KCNIP4: variants seen among roughly 807,000 people sequenced by gnomAD.
KCNIP4 encodes the protein potassium voltage-gated channel interacting protein 4.
KCNIP4 carries 12 observed loss-of-function variants against 34.0 expected under a neutral mutation model. That is an observed-to-expected ratio of 0.35 (90% confidence interval 0.23 to 0.57). KCNIP4 has a LOEUF of 0.57. KCNIP4 is among the 20% of genes least tolerant of loss of function. The pLI is 0.83. For synonymous variants in KCNIP4, 124 were observed against 102.2 expected (o/e 1.21, Z -1.29); for missense variants, 238 against 311.7 (o/e 0.76, Z 1.78).
chr4:20,886,320 T>C (rs1185022967), intron 1 of KCNIP4, among the ~76,000 whole-genome samples: 1 of 152,076 alleles, frequency 6.6e-6, no homozygotes. Flanking sequence ...TTCAGGGAGG[T>C]AGAGCTCATA....
chr4:20,847,436 A>T (rs1174481471), intron 3 of KCNIP4, among the ~76,000 whole-genome samples: 1 of 152,206 alleles, frequency 6.6e-6, no homozygotes, highest in Non-Finnish European at 1.5e-5. Context: ...ACTAAGTCAT[A>T]ATCTTTCAAG....
At chr4:20,739,836 A>C (rs1395276212) in intron 5 of KCNIP4, among the ~76,000 whole-genome samples, 1 of 152,184 alleles carries the variant, frequency 6.6e-6, no homozygotes, top group African/African-American at 2.4e-5. Flanking sequence ...AAAGAAGCTA[A>C]AAACCTTGAG....
At chr4:20,914,444 G>T (rs180956729) in intron 1 of KCNIP4, among the ~76,000 whole-genome samples, 2 of 152,226 alleles carry the variant, frequency 1.3e-5, no homozygotes, top group African/African-American at 4.8e-5. Flanking sequence ...AATGCATCAA[G>T]AAAATGGCCC....
chr4:21,836,987 G>A (rs112155347), intron 1 of KCNIP4, among the ~76,000 whole-genome samples: 56,051 of 145,360 alleles, frequency 0.39, 12,161 homozygotes, highest in Non-Finnish European at 0.51. Context: ...GCACGATCTC[G>A]GCTCACTGCA....
At chr4:21,822,308 G>A (rs1174292375) in intron 1 of KCNIP4, among the ~76,000 whole-genome samples, 9 of 152,200 alleles carry the variant, frequency 5.9e-5, no homozygotes, top group African/African-American at 1.9e-4. Flanking sequence ...CAGAGGCAGA[G>A]CTGTTCTCCA....
intron 1 of KCNIP4, among the ~76,000 whole-genome samples, chr4:21,251,560 G>A (rs1454067997): frequency 1.3e-5 from 2 of 152,102 alleles, no homozygotes; most frequent in Admixed American, 6.5e-5. Flanking sequence ...TATTAAGAAT[G>A]TTTCAAAATA....
intron 1 of KCNIP4, among the ~76,000 whole-genome samples, chr4:21,092,886 A>G (rs4615170): frequency 0.17 from 25,613 of 152,262 alleles, 2,238 homozygotes; most frequent in East Asian, 0.24. Flanking sequence ...AGACAGGTGG[A>G]CCAACATGAT....
At chr4:21,909,299 G>A (rs542758968) in intron 1 of KCNIP4, among the ~76,000 whole-genome samples, 1 of 152,138 alleles carries the variant, frequency 6.6e-6, no homozygotes, top group South Asian at 2.1e-4. Context: ...CTCCAGCCAA[G>A]TAAATGTCTC....
chr4:21,348,298 T>G (rs1026704737), intron 1 of KCNIP4, among the ~76,000 whole-genome samples: 2 of 152,200 alleles, frequency 1.3e-5, no homozygotes, highest in African/African-American at 4.8e-5. Context: ...CTCAGTAGAC[T>G]TGTTTTCCAA....
chr4:21,840,402 T>C (rs1723605852), intron 1 of KCNIP4, among the ~76,000 whole-genome samples: 1 of 152,108 alleles, frequency 6.6e-6, no homozygotes, highest in Non-Finnish European at 1.5e-5. Context: ...GAACAGCTGT[T>C]TCTCTTCTGT....
intron 1 of KCNIP4, among the ~76,000 whole-genome samples, chr4:20,951,089 A>T (rs1311764710): frequency 6.6e-6 from 1 of 152,108 alleles, no homozygotes; most frequent in Non-Finnish European, 1.5e-5. Context: ...ATAAGAAGAC[A>T]CGTCAGAGTG....
intron 1 of KCNIP4, among the ~76,000 whole-genome samples, chr4:20,993,121 T>TCTCTAAGG (rs1178525922): frequency 6.7e-6 from 1 of 150,342 alleles, no homozygotes; most frequent in Non-Finnish European, 1.5e-5. Flanking sequence ...AGGCCTTCAC[T>TCTCTAAGG]CTCTAAGGGC....
intron 1 of KCNIP4, among the ~76,000 whole-genome samples, chr4:20,902,130 C>T (rs1033168928): frequency 6.6e-6 from 1 of 152,042 alleles, no homozygotes; most frequent in African/African-American, 2.4e-5. Flanking sequence ...TTCTAAGAGG[C>T]CAAAATTATT....
chr4:21,078,804 G>A (rs936161386), intron 1 of KCNIP4, among the ~76,000 whole-genome samples: 9 of 152,132 alleles, frequency 5.9e-5, no homozygotes, highest in Admixed American at 2.0e-4. Flanking sequence ...TTCTGCTAGT[G>A]TGGTACTTCT....
At chr4:21,757,139 GA>G (rs1289576991) in intron 1 of KCNIP4, among the ~76,000 whole-genome samples, 2 of 24,444 alleles carry the variant, frequency 8.2e-5, no homozygotes, top group East Asian at 2.8e-3. Flanking sequence ...AAGAAAGAAA[GA>G]AAGAAAGAAA....
In KCNIP4 at chr4:21,948,678, C is replaced by T; in HGVS notation, c.-47G>A. 5 of 1,596,182 alleles carry T rather than the reference C, an allele frequency of 3.1e-6. No individual in the cohort carries two copies. The highest frequency in any genetic ancestry group is 4.3e-6 in the Non-Finnish European group (5 of 1,170,374). ...AAGCGAGACTCGAGAGTCCACCGGC[C>T]AGGGGCGTCTGTCCACGGGTCTGCA... On this transcript the variant is annotated 5_prime_UTR_variant, in exon 1 of 9. Transcript: ENST00000382152.
chr4:21,823,459 G>C (rs1722489505), intron 1 of KCNIP4, among the ~76,000 whole-genome samples: 1 of 151,146 alleles, frequency 6.6e-6, no homozygotes. Flanking sequence ...TTCAACAGCT[G>C]CATTCTCCTT....
chr4:21,174,642 A>G (rs553494773), intron 1 of KCNIP4, among the ~76,000 whole-genome samples: 23 of 152,090 alleles, frequency 1.5e-4, no homozygotes, highest in Non-Finnish European at 2.5e-4. Context: ...GCTCATGCCT[A>G]TAATCTCAGC....
chr4:21,356,100 GC>G (rs2109391312), intron 1 of KCNIP4, among the ~76,000 whole-genome samples: 1 of 151,980 alleles, frequency 6.6e-6, no homozygotes, highest in Admixed American at 6.6e-5. Context: ...AAAATCAACA[GC>G]CTTCGACAAA....
Sources: gnomAD v4.1 joint callset for allele counts (sites outside exome capture counted in the v4.1 genomes callset) on GRCh38, gnomAD v4.1.1 for gene constraint, MANE v1.5 for transcripts, NCBI Gene and HGNC (gene_info 2026-07-23, HGNC 2026-07-21) for gene names.